The following ABCD3 variants were observed in gnomAD, a reference collection of about 807,000 sequenced individuals.
ABCD3 encodes the protein ATP-binding cassette sub-family D member 3.
In ABCD3, 41 loss-of-function variants were observed where a neutral mutation model predicts 105.5. The observed-to-expected ratio is 0.39, with a 90% confidence interval of 0.30 to 0.50. The LOEUF is 0.50. Among genes scored for constraint, ABCD3 ranks in the 20% least tolerant of loss-of-function variants. ABCD3 has a pLI of 0.84. For missense variants in ABCD3, 622 were observed against 806.3 expected, an observed-to-expected ratio of 0.77 and a Z score of 2.77; for synonymous variants, 258 against 269.0, an observed-to-expected ratio of 0.96 and a Z score of 0.40.
intron 1 of ABCD3, among the ~76,000 whole-genome samples, chr1:94,420,084 A>G (rs553909253): frequency 1.1e-4 from 17 of 152,322 alleles, no homozygotes; most frequent in Admixed American, 9.2e-4. Flanking sequence ...GGACAGCCCT[A>G]CAAGTTCTGG....
chr1:94,487,505 G>A, intron 10 of ABCD3, 37 bp from the exon 11 acceptor site: 1 of 1,585,900 alleles, frequency 6.3e-7, no homozygotes. Context: ...TTTTTATACA[G>A]AGAAAAAGAT....
At chr1:94,388,930 G>A in the ABCD3 span, among the ~76,000 whole-genome samples, 1 of 152,162 alleles carries the variant, frequency 6.6e-6, no homozygotes, top group African/African-American at 2.4e-5. Flanking sequence ...TAACTTATGA[G>A]ATGCATCTTA....
At chr1:94,458,568 C>T in intron 1 of ABCD3, 39 bp from the exon 2 acceptor site, 1 of 1,579,276 alleles carries the variant, frequency 6.3e-7, no homozygotes, top group Non-Finnish European at 8.7e-7. Flanking sequence ...ACACTTTTCA[C>T]ATAAAGTAAA....
At chr1:94,457,424 G>A (rs1647630544) in intron 1 of ABCD3, among the ~76,000 whole-genome samples, 1 of 152,066 alleles carries the variant, frequency 6.6e-6, no homozygotes, top group African/African-American at 2.4e-5. Context: ...TGTGCATTCG[G>A]CAGATCATCG....
In ABCD3 at chr1:94,475,241, G is replaced by C; in HGVS notation, c.503+1G>C. On this transcript the variant is annotated splice_donor_variant, in intron 6 of 22. Transcript: ENST00000370214. LOFTEE classifies it high-confidence loss of function. The stretch of plus-strand genomic sequence containing the variant: ...AATACCTCTATGAGGAGTATCTTCA[G>C]TAAGTGATAACCTATTTTTATATTA... 1 of 1,536,376 alleles carries C rather than the reference G, an allele frequency of 6.5e-7. No individual in the cohort carries two copies. The highest frequency in any genetic ancestry group is 8.9e-7 in the Non-Finnish European group (1 of 1,121,198).
At chr1:94,420,692 T>G (rs1659225114) in intron 1 of ABCD3, among the ~76,000 whole-genome samples, 1 of 152,220 alleles carries the variant, frequency 6.6e-6, no homozygotes, top group Non-Finnish European at 1.5e-5. Context: ...TTGTAGATAT[T>G]GTACTTCCAG....
In ABCD3 at chr1:94,489,740, T is replaced by C; in HGVS notation, c.1173T>C (p.Ile391=). 6.2e-7 allele frequency: 1 copy of C among 1,612,920 alleles called. No individual in the cohort carries two copies. The highest frequency in any genetic ancestry group is 8.5e-7 in the Non-Finnish European group (1 of 1,179,244). Residue 391 remains isoleucine (I), a synonymous_variant, in exon 14 of 23, where the codon ATT becomes ATC. Coordinates refer to ENST00000370214, the MANE Select transcript of ABCD3 (RefSeq NM_002858.4). ...MTRLAGFTAR[I]TELMQVLKDL... ...AAAATTTTAGTTTTACTGCTCGGAT[T>C]ACAGAATTAATGCAAGTACTGAAGG...
intron 9 of ABCD3, chr1:94,481,866 A>G (rs1649042994): frequency 1.3e-5 from 2 of 152,224 alleles, no homozygotes; most frequent in Admixed American, 1.3e-4. Flanking sequence ...GGCTTAGACC[A>G]GTTGGGACCC....
At chr1:94,401,426 A>T in the ABCD3 span, among the ~76,000 whole-genome samples, 1 of 152,202 alleles carries the variant, frequency 6.6e-6, no homozygotes, top group Non-Finnish European at 1.5e-5. Context: ...AAAATCTAGA[A>T]ATCTTTCCAA....
At chr1:94,419,824 G>C (rs551892944) in intron 1 of ABCD3, among the ~76,000 whole-genome samples, 27 of 152,098 alleles carry the variant, frequency 1.8e-4, no homozygotes, top group Non-Finnish European at 3.4e-4. Flanking sequence ...TTGCAGCATA[G>C]TCTGGGCAAT....
chr1:94,502,488 G>C (rs548988753), intron 20 of ABCD3, among the ~76,000 whole-genome samples: 1 of 131,624 alleles, frequency 7.6e-6, no homozygotes, highest in Admixed American at 9.4e-5. Flanking sequence ...AACTGGGAAT[G>C]CCCCCCTAGT....
the ABCD3 span, among the ~76,000 whole-genome samples, chr1:94,386,695 GAA>G: frequency 5.9e-3 from 905 of 152,222 alleles, 5 homozygotes; most frequent in Non-Finnish European, 0.01. Context: ...ATAACAATTT[GAA>G]CTTTCTAAGC....
In ABCD3 at chr1:94,434,786, C is replaced by A. The variant is rs1659837046; in HGVS notation, c.110+16198C>A. On this transcript the variant is annotated intron_variant, in intron 1 of 22. Coordinates refer to ENST00000370214, the MANE Select transcript of ABCD3 (RefSeq NM_002858.4). Reference sequence around the variant, plus strand: ...AACAAAACACCCTTTTAACCACTACCCAGATCAAGAAATAAATCTTTGCCA... The same window carrying A: ...AACAAAACACCCTTTTAACCACTACACAGATCAAGAAATAAATCTTTGCCA... 4.6e-5 allele frequency among the ~76,000 whole-genome samples: 7 copies of A among 152,226 alleles called. No homozygotes were observed. The South Asian group carries it at 1.5e-3, about 32-fold the overall frequency.
the ABCD3 span, among the ~76,000 whole-genome samples, chr1:94,397,965 T>C: frequency 4.3e-4 from 65 of 152,338 alleles, no homozygotes; most frequent in African/African-American, 1.5e-3. Flanking sequence ...TCAAATTTTT[T>C]TATTATTATT....
chr1:94,404,952 G>GA, the ABCD3 span, among the ~76,000 whole-genome samples: 175 of 132,820 alleles, frequency 1.3e-3, no homozygotes, highest in African/African-American at 3.0e-3. Flanking sequence ...AAAAAAAAAA[G>GA]AAAAAAAAAA....
In ABCD3 at chr1:94,475,647, C is replaced by T; in HGVS notation, c.537C>T (p.Asp179=). The T allele has an allele frequency of 1.2e-6, 2 of 1,612,058 alleles. No homozygotes were observed. Among genetic ancestry groups the T allele is most frequent in the Non-Finnish European group, 1.7e-6 (2 of 1,178,482 alleles). The change falls in exon 7 of 23, where the codon GAC becomes GAT. Residue 179 remains aspartate, a synonymous_variant. Transcript: ENST00000370214. The stretch of plus-strand genomic sequence containing the variant: ...CATATTATAAAATGGGGAATCTGGA[C>T]AACAGAATAGCTAATCCAGACCAGC... ...AFTYYKMGNL[D]NRIANPDQLL...
intron 1 of ABCD3, among the ~76,000 whole-genome samples, chr1:94,452,604 A>G (rs1272485597): frequency 2.0e-5 from 3 of 152,230 alleles, no homozygotes; most frequent in African/African-American, 7.2e-5. Flanking sequence ...GTATTTATCT[A>G]ATTTTTGAAT....
chr1:94,464,809 A>T lies in ABCD3; in HGVS notation c.182A>T (p.Lys61Met), dbSNP rs1054953872. Reference protein sequence around the residue: ...EGKKERAVVDKVFFSRLIQIL... With the variant: ...EGKKERAVVDMVFFSRLIQIL... ...AAAAAGGAGCGAGCTGTGGTGGACA[A>T]GGTGTTTTTCTCAAGGCTCATACAG... The change falls in exon 3 of 23, where the codon AAG becomes ATG. Residue 61 changes from lysine to methionine, a missense_variant. By Grantham distance (95) the Lys-to-Met change is moderately conservative. Around this residue, in one of 4 missense-constraint regions of ABCD3, gnomAD observed 89 missense variants for 77.5 expected, o/e 1.15. Transcript: ENST00000370214. 5 of 1,613,780 alleles carry T rather than the reference A, an allele frequency of 3.1e-6. No homozygotes were observed. The Admixed American group carries it at 8.3e-5, about 27-fold the overall frequency.
At chr1:94,471,956 G>C (rs576132267) in intron 4 of ABCD3, among the ~76,000 whole-genome samples, 5 of 152,010 alleles carry the variant, frequency 3.3e-5, no homozygotes, top group Non-Finnish European at 7.4e-5. Flanking sequence ...CCCTCTTTAA[G>C]GTAGAAACTA....
Sources: allele counts gnomAD v4.1 joint callset (sites outside exome capture counted in the v4.1 genomes callset), GRCh38; gene constraint gnomAD v4.1.1; regional missense constraint gnomAD v4.1.1; transcripts MANE v1.5; gene names NCBI Gene and HGNC (gene_info 2026-07-23, HGNC 2026-07-21).